The following KCNJ15 variants were observed in gnomAD, a reference collection of about 807,000 sequenced individuals.
KCNJ15 encodes the protein potassium inwardly rectifying channel subfamily J member 15.
A neutral mutation model predicts 23.0 loss-of-function variants in KCNJ15; 14 were observed. The ratio of observed to expected loss-of-function variants is 0.61; its 90% confidence interval spans 0.40 to 0.95. The LOEUF (loss-of-function observed/expected upper bound fraction) is 0.95, where lower values mean the gene tolerates loss of function less well. KCNJ15 is among the 40% of genes least tolerant of loss of function. The pLI is 0.00. For synonymous variants in KCNJ15, 185 were observed against 183.2 expected (o/e 1.01, Z -0.08); for missense variants, 388 against 461.8 (o/e 0.84, Z 1.46).
chr21:38,298,611 A>T (rs1258152268), intron 2 of KCNJ15, among the ~76,000 whole-genome samples: 6 of 152,234 alleles, frequency 3.9e-5, no homozygotes, highest in Non-Finnish European at 8.8e-5. Flanking sequence ...ACGAATTGCT[A>T]TTACAAAGAA....
chr21:38,288,389 A>G (rs751986767), intron 1 of KCNJ15, among the ~76,000 whole-genome samples: 19 of 152,066 alleles, frequency 1.2e-4, no homozygotes, highest in Non-Finnish European at 2.6e-4. Context: ...ATTGCCTGGG[A>G]TGAGATTCAT....
At position 38,305,061 on chromosome 21, in the gene KCNJ15, C is replaced by G. The variant is rs926811992; in HGVS notation, c.*4672C>G. On this transcript the variant is annotated 3_prime_UTR_variant, in exon 3 of 3. Coordinates refer to ENST00000398938, the MANE Select transcript of KCNJ15 (RefSeq NM_170736.3). ...CGCCACTGCACTCCAGCCTGGGCAA[C>G]AAAAGTAAAACTCCGTCTCAAAAAA... The G allele has an allele frequency of 3.5e-5, 1 of 28,634 alleles. No homozygotes were observed. The highest frequency in any genetic ancestry group is 1.1e-4 in the African/African-American group (1 of 8,894). The allele number at this position is 28,634 out of a possible 1,614,324, so 1.8% of individuals were successfully genotyped here.
chr21:38,273,785 G>T (rs548257629), intron 1 of KCNJ15, among the ~76,000 whole-genome samples: 3 of 152,190 alleles, frequency 2.0e-5, no homozygotes, highest in Admixed American at 6.5e-5. Context: ...AGAATTTCAC[G>T]TGTGCTCTAG....
chr21:38,237,295 G>A (rs2836229), intron 1 of KCNJ15: 18,037 of 152,238 alleles, frequency 0.12, 2,829 homozygotes, highest in African/African-American at 0.36. Context: ...CTGGCTTGGC[G>A]TTTATTGTGG....
chr21:38,263,692 G>A (rs1300994390), intron 1 of KCNJ15, among the ~76,000 whole-genome samples: 3 of 152,080 alleles, frequency 2.0e-5, no homozygotes, highest in Non-Finnish European at 2.9e-5. Context: ...GCAAGGCATC[G>A]TGCGATCCAA....
At chr21:38,247,208 AGATG>A (rs1274506894) in intron 1 of KCNJ15, among the ~76,000 whole-genome samples, 4 of 145,294 alleles carry the variant, frequency 2.8e-5, no homozygotes, top group East Asian at 2.1e-4. Context: ...ATGCATAGGT[AGATG>A]GATGGATGGA....
At chr21:38,271,229 T>C (rs1433217531) in intron 1 of KCNJ15, among the ~76,000 whole-genome samples, 1 of 152,224 alleles carries the variant, frequency 6.6e-6, no homozygotes, top group Non-Finnish European at 1.5e-5. Context: ...AAGCTAAAAC[T>C]TAAAGAGGTT....
chr21:38,236,729 A>C (rs1186220331), intron 1 of KCNJ15, among the ~76,000 whole-genome samples: 1 of 152,174 alleles, frequency 6.6e-6, no homozygotes, highest in African/African-American at 2.4e-5. Context: ...AGTGTCCCTT[A>C]GCTACAGGGG....
At position 38,305,904 on chromosome 21, in the gene KCNJ15, G is replaced by T. The variant is rs561212218; in HGVS notation, c.*5515G>T. The stretch of plus-strand genomic sequence containing the variant: ...TTCCAGAAACATATTTCCCTGGCTT[G>T]CCCAATTATCAAGGGAAAATTTCAG... On this transcript the variant is annotated 3_prime_UTR_variant, in exon 3 of 3. Transcript: ENST00000398938. 1 of 152,186 alleles carries T rather than the reference G, an allele frequency of 6.6e-6. No homozygotes were observed. Among genetic ancestry groups the T allele is most frequent in the African/African-American group, 2.4e-5 (1 of 41,442 alleles). 9.4% of individuals were successfully genotyped at this position (152,186 alleles called of 1,614,324 possible).
chr21:38,253,396 C>T (rs1267043464), upstream of KCNJ15, among the ~76,000 whole-genome samples: 1 of 152,148 alleles, frequency 6.6e-6, no homozygotes. Context: ...TGCTCCAAGA[C>T]TCACCTATAT....
intron 1 of KCNJ15, among the ~76,000 whole-genome samples, chr21:38,250,812 C>T (rs1014839049): frequency 6.6e-6 from 1 of 152,226 alleles, no homozygotes; most frequent in Admixed American, 6.5e-5. Context: ...TTTGTCTTCT[C>T]CAGTTGATCT....
In KCNJ15 at chr21:38,306,398, C is replaced by T. The variant is rs542817645; in HGVS notation, c.*6009C>T. On this transcript the variant is annotated 3_prime_UTR_variant, in exon 3 of 3. Transcript: ENST00000398938. ...AAAAAAAAAAACCATAAGTTGTTGACTCTGAGCTAGGAAATGCGTGATCTC... is the reference window on the plus strand; with the variant it reads ...AAAAAAAAAAACCATAAGTTGTTGATTCTGAGCTAGGAAATGCGTGATCTC... The T allele has an allele frequency of 5.3e-5, 8 of 150,202 alleles. No homozygotes were observed. Among genetic ancestry groups the T allele is most frequent in the African/African-American group, 1.9e-4 (8 of 41,044 alleles). The allele number at this position is 150,202 out of a possible 1,614,324, so 9.3% of individuals were successfully genotyped here.
At chr21:38,247,520 A>AGGTG (rs1225031519) in intron 1 of KCNJ15, among the ~76,000 whole-genome samples, 1 of 107,080 alleles carries the variant, frequency 9.3e-6, no homozygotes, top group East Asian at 3.7e-4. Flanking sequence ...ATAGATGCAT[A>AGGTG]GGTGGATGGA....
chr21:38,300,735 G>A lies in KCNJ15; in HGVS notation c.*346G>A. On this transcript the variant is annotated 3_prime_UTR_variant, in exon 3 of 3. Coordinates refer to ENST00000398938, the MANE Select transcript of KCNJ15 (RefSeq NM_170736.3). ...TAAAAGGAAATGTATTTCTATACAA[G>A]ATTATTAGCTGTAATACAAGATATT... The A allele has an allele frequency of 4.7e-6, 1 of 213,322 alleles. No individual in the cohort carries two copies. The highest frequency in any genetic ancestry group is 1.0e-5 in the Non-Finnish European group (1 of 97,838). 13.2% of individuals were successfully genotyped at this position (213,322 alleles called of 1,614,324 possible). A position where few individuals can be genotyped will look rare whatever the true frequency, so the allele number is the denominator to read the frequency against.
Position 38,304,656 on chromosome 21 carries a change from A to ATGTAT in KCNJ15, c.*4268_*4269insGTATT, listed in dbSNP as rs1985979933. ...TACACTTTACCCTTTGTAAACTTCA[A>ATGTAT]TTTATCTTTTTTTTTTTTTTTTTTT... On this transcript the variant is annotated 3_prime_UTR_variant, in exon 3 of 3. Coordinates refer to ENST00000398938, the MANE Select transcript of KCNJ15 (RefSeq NM_170736.3). 1.2e-5 allele frequency: 1 copy of ATGTAT among 80,540 alleles called. No homozygotes were observed. The highest frequency in any genetic ancestry group is 3.1e-5 in the Non-Finnish European group (1 of 32,146). 5.0% of individuals were successfully genotyped at this position (80,540 alleles called of 1,614,324 possible).
intron 1 of KCNJ15, among the ~76,000 whole-genome samples, chr21:38,235,867 T>C (rs1002009726): frequency 1.3e-5 from 2 of 152,216 alleles, no homozygotes; most frequent in Non-Finnish European, 2.9e-5. Flanking sequence ...CTAGAAGTTG[T>C]TTGCAATTTT....
chr21:38,243,829 CA>C (rs1343768986), intron 1 of KCNJ15, among the ~76,000 whole-genome samples: 23 of 152,132 alleles, frequency 1.5e-4, no homozygotes, highest in Admixed American at 1.5e-3. Context: ...ACTTTATTTG[CA>C]AAAAACAAAT....
At chr21:38,273,298 G>A (rs1281216695) in intron 1 of KCNJ15, among the ~76,000 whole-genome samples, 1 of 152,132 alleles carries the variant, frequency 6.6e-6, no homozygotes, top group Admixed American at 6.5e-5. Context: ...CCAAGGCCTG[G>A]TTAACTCTTA....
chr21:38,294,138 A>G (rs1169588867), intron 1 of KCNJ15, among the ~76,000 whole-genome samples: 1 of 152,218 alleles, frequency 6.6e-6, no homozygotes, highest in Non-Finnish European at 1.5e-5. Flanking sequence ...TTTTCTACTT[A>G]ATATTTAAAA....
Sources: allele counts gnomAD v4.1 joint callset (sites outside exome capture counted in the v4.1 genomes callset), GRCh38; gene constraint gnomAD v4.1.1; transcripts MANE v1.5; gene names NCBI Gene and HGNC (gene_info 2026-07-23, HGNC 2026-07-21).